The following DMD variants were observed in gnomAD, a reference collection of about 807,000 sequenced individuals.
DMD encodes mutant dystrophin.
Under a neutral mutation model 330.1 loss-of-function variants are expected in DMD, and 63 were observed. That is an observed-to-expected ratio of 0.19 (90% CI 0.16 to 0.24). The LOEUF (loss-of-function observed/expected upper bound fraction) is 0.24, where lower values mean the gene tolerates loss of function less well. DMD is among the 10% of genes least tolerant of loss of function. DMD has a pLI of 1.00. For synonymous variants in DMD, 1,223 were observed against 959.8 expected, an observed-to-expected ratio of 1.27 and a Z score of -5.07; for missense variants, 3,344 against 2,684.1, an observed-to-expected ratio of 1.25 and a Z score of -5.43.
At chrX:31,432,290 A>G (rs1027793583) in intron 60 of DMD, among the ~76,000 whole-genome samples, 4 of 111,982 alleles carry the variant, frequency 3.6e-5, no homozygotes, top group Non-Finnish European at 7.5e-5. Context: ...ATATAATCAA[A>G]TATCAATAGA....
At chrX:31,594,138 A>G (rs1016064690) in intron 55 of DMD, among the ~76,000 whole-genome samples, 1 of 110,973 alleles carries the variant, frequency 9.0e-6, no homozygotes, top group Non-Finnish European at 1.9e-5. Flanking sequence ...TATCCTATGC[A>G]TTGTAGGATA....
intron 1 of DMD, among the ~76,000 whole-genome samples, chrX:33,328,085 G>A (rs1339978833): frequency 1.8e-5 from 2 of 111,321 alleles, no homozygotes; most frequent in African/African-American, 6.5e-5. Context: ...ATTTGGAATG[G>A]GAACATCCAA....
At chrX:31,406,528 G>C (rs1307421488) in intron 60 of DMD, among the ~76,000 whole-genome samples, 4 of 111,105 alleles carry the variant, frequency 3.6e-5, no homozygotes, top group African/African-American at 1.3e-4. Flanking sequence ...TGGTGTTCCA[G>C]GTAGAGAAAA....
intron 48 of DMD, among the ~76,000 whole-genome samples, chrX:31,844,882 A>G (rs1323444547): frequency 2.7e-5 from 3 of 111,000 alleles, no homozygotes; most frequent in African/African-American, 6.6e-5. Flanking sequence ...TTAGGCATAC[A>G]CTATTGTATA....
intron 50 of DMD, among the ~76,000 whole-genome samples, chrX:31,816,473 G>A (rs946392308): frequency 9.1e-6 from 1 of 110,056 alleles, no homozygotes; most frequent in Admixed American, 9.8e-5. Flanking sequence ...CAAATAGAGT[G>A]AACCAATTTT....
intron 1 of DMD, among the ~76,000 whole-genome samples, chrX:33,235,615 C>T (rs1484222668): frequency 9.0e-6 from 1 of 111,091 alleles, no homozygotes; most frequent in Non-Finnish European, 1.9e-5. Flanking sequence ...CATTTAGGGA[C>T]TTATTTTATC....
intron 29 of DMD, among the ~76,000 whole-genome samples, chrX:32,429,033 C>A (rs947074005): frequency 4.5e-5 from 5 of 110,881 alleles, no homozygotes; most frequent in Admixed American, 1.9e-4. Context: ...TTGATTAATC[C>A]TTTTCGGAAA....
intron 71 of DMD, among the ~76,000 whole-genome samples, chrX:31,177,337 G>C (rs778893867): frequency 1.8e-5 from 2 of 111,399 alleles, no homozygotes; most frequent in African/African-American, 6.5e-5. Context: ...TTGGAGAGGA[G>C]AGCAAAGTGA....
intron 67 of DMD, among the ~76,000 whole-genome samples, chrX:31,190,963 G>A (rs953479301): frequency 1.1e-4 from 12 of 111,556 alleles, no homozygotes; most frequent in South Asian, 3.8e-4. Flanking sequence ...TGCCACACTC[G>A]TTCATAAACT....
At chrX:31,169,757 G>C (rs1006303271) in intron 73 of DMD, among the ~76,000 whole-genome samples, 156 bp from the exon 74 acceptor site, 2 of 111,609 alleles carry the variant, frequency 1.8e-5, no homozygotes, top group Admixed American at 1.9e-4. Context: ...TGATACTGCT[G>C]AGGTTGTGAT....
In DMD at chrX:31,289,147, C is replaced by T. The variant is rs775948225; in HGVS notation, c.9225-28131G>A. On this transcript the variant is annotated intron_variant, in intron 62 of 78. Transcript: ENST00000357033. ...TACAAAAATTAGCTGGGCATGATGG[C>T]GGGTGCCTGTAATCCCAGCCACTCG... Among the ~76,000 whole-genome samples the T allele has an allele frequency of 2.8e-5, 3 of 105,772 alleles. No individual in the cohort carries two copies. In the East Asian group the frequency reaches 8.7e-4, roughly 31 times the overall value. The allele number at this position is 105,772 out of a possible 115,157, so 91.9% of individuals were successfully genotyped here. A position where few individuals can be genotyped will look rare whatever the true frequency, so the allele number is the denominator to read the frequency against.
At chrX:31,949,890 CT>C (rs202022663) in intron 45 of DMD, among the ~76,000 whole-genome samples, 8 of 104,192 alleles carry the variant, frequency 7.7e-5, no homozygotes, top group Non-Finnish European at 1.0e-4. Context: ...TTTGGTAATT[CT>C]TTTTTTTTTG....
At chrX:31,950,671 A>G (rs2095149137) in intron 45 of DMD, among the ~76,000 whole-genome samples, 1 of 110,960 alleles carries the variant, frequency 9.0e-6, no homozygotes, top group African/African-American at 3.3e-5. Context: ...GGACTTTCCT[A>G]TTAATTATAT....
At chrX:32,989,556 A>G (rs775820524) in intron 2 of DMD, among the ~76,000 whole-genome samples, 1 of 112,235 alleles carries the variant, frequency 8.9e-6, no homozygotes, top group Non-Finnish European at 1.9e-5. Flanking sequence ...GAAAAGAATG[A>G]AGACAAAGCC....
chrX:32,041,688 T>C (rs1357451815), intron 44 of DMD, among the ~76,000 whole-genome samples: 2 of 111,099 alleles, frequency 1.8e-5, no homozygotes, highest in East Asian at 5.7e-4. Flanking sequence ...TACTGTCAAA[T>C]GATAGCCCTC....
intron 55 of DMD, among the ~76,000 whole-genome samples, chrX:31,620,782 G>T (rs2078487961): frequency 9.0e-6 from 1 of 110,758 alleles, no homozygotes; most frequent in Non-Finnish European, 1.9e-5. Context: ...TTATTAAGAG[G>T]GTCCCTATAA....
At chrX:32,729,752 G>GTTCT (rs10661504) in intron 7 of DMD, among the ~76,000 whole-genome samples, 63,853 of 109,872 alleles carry the variant, frequency 0.58, 15,453 homozygotes, top group African/African-American at 0.91. Flanking sequence ...ACATGTTCTG[G>GTTCT]TTCTTTAATA....
chrX:33,252,708 G>A (rs892972660), intron 1 of DMD, among the ~76,000 whole-genome samples: 4 of 110,306 alleles, frequency 3.6e-5, no homozygotes, highest in Non-Finnish European at 5.7e-5. Context: ...TGATAATTTC[G>A]CTACTTAAAA....
chrX:32,552,499 G>A (rs1211622218), intron 16 of DMD, among the ~76,000 whole-genome samples: 1 of 111,593 alleles, frequency 9.0e-6, no homozygotes, highest in East Asian at 2.8e-4. Flanking sequence ...ATGCCACTCT[G>A]GACATTGAAA....
Sources: allele counts gnomAD v4.1 joint callset (sites outside exome capture counted in the v4.1 genomes callset), GRCh38; gene constraint gnomAD v4.1.1; transcripts MANE v1.5; gene names NCBI Gene and HGNC (gene_info 2026-07-23, HGNC 2026-07-21).